Variants in TMEM132B observed in about 807,000 individuals in gnomAD.
TMEM132B encodes transmembrane protein 132B.
TMEM132B carries 18 observed loss-of-function variants against 90.8 expected under a neutral mutation model. The ratio of observed to expected loss-of-function variants is 0.20; its 90% CI spans 0.14 to 0.29. TMEM132B has a LOEUF of 0.29. TMEM132B is among the 10% of genes least tolerant of loss of function. The pLI, the probability that TMEM132B is intolerant of heterozygous loss-of-function variation, is 1.00. For synonymous variants in TMEM132B, 504 were observed against 523.3 expected, an observed-to-expected ratio of 0.96 and a Z score of 0.50; for missense variants, 1,096 against 1,326.8, an observed-to-expected ratio of 0.83 and a Z score of 2.70.
intron 1 of TMEM132B, among the ~76,000 whole-genome samples, chr12:125,319,111 G>A (rs956625392): frequency 1.3e-5 from 2 of 152,216 alleles, no homozygotes; most frequent in African/African-American, 4.8e-5. Context: ...CCTTGGATAA[G>A]AGTTGTGTCC....
chr12:125,363,133 A>G (rs1216196632), intron 2 of TMEM132B, among the ~76,000 whole-genome samples: 1 of 152,220 alleles, frequency 6.6e-6, no homozygotes, highest in Non-Finnish European at 1.5e-5. Flanking sequence ...GCCTGGAGCC[A>G]GTTTGCTGGC....
At chr12:125,533,698 C>T (rs574296082) in intron 4 of TMEM132B, among the ~76,000 whole-genome samples, 2 of 152,236 alleles carry the variant, frequency 1.3e-5, no homozygotes, top group South Asian at 4.1e-4. Context: ...CTCCTGGAGC[C>T]CCTGCCCGGC....
chr12:125,355,909 A>C (rs192373569), intron 2 of TMEM132B, among the ~76,000 whole-genome samples: 191 of 152,302 alleles, frequency 1.3e-3, no homozygotes, highest in African/African-American at 4.5e-3. Flanking sequence ...TCTAATACCA[A>C]GATAGATTCT....
intron 3 of TMEM132B, among the ~76,000 whole-genome samples, chr12:125,500,638 G>A (rs113571339): frequency 0.023 from 3,512 of 152,260 alleles, 76 homozygotes; most frequent in African/African-American, 0.052. Flanking sequence ...GAAATGGAAG[G>A]GGAAGAATTT....
At chr12:125,384,305 A>T (rs888330131) in intron 2 of TMEM132B, among the ~76,000 whole-genome samples, 2 of 152,158 alleles carry the variant, frequency 1.3e-5, no homozygotes, top group African/African-American at 4.8e-5. Flanking sequence ...ATACCACCTA[A>T]AGTTTTCTCA....
chr12:125,276,077 T>C (rs1179451848), intron 1 of TMEM132B, among the ~76,000 whole-genome samples: 2 of 152,192 alleles, frequency 1.3e-5, no homozygotes, highest in Admixed American at 6.5e-5. Context: ...TATCCATGGG[T>C]GTTTGACTCT....
At chr12:125,191,525 GC>G (rs1565971856) in intron 1 of TMEM132B, among the ~76,000 whole-genome samples, 1 of 152,180 alleles carries the variant, frequency 6.6e-6, no homozygotes, top group African/African-American at 2.4e-5. Context: ...GAATGGTGTG[GC>G]CCGGCCTCTG....
Position 125,196,435 on chromosome 12 carries a change from C to T in TMEM132B, c.67+9569C>T, listed in dbSNP as rs141842930. On this transcript the variant is annotated intron_variant, in intron 1 of 8. Transcript: ENST00000682704. ...TTTTTACATCATTAATGGCTGGGCACGGCGGCTCATGCCTGTAATCCCAGC... is the reference window on the plus strand; with the variant it reads ...TTTTTACATCATTAATGGCTGGGCATGGCGGCTCATGCCTGTAATCCCAGC... Among the ~76,000 whole-genome samples the T allele has an allele frequency of 7.6e-3, 1,157 of 152,284 alleles. 20 individuals are homozygous for T. Among genetic ancestry groups the T allele is most frequent in the African/African-American group, 0.026 (1,069 of 41,564 alleles).
At chr12:125,605,599 CTCT>C (rs1885675003) in intron 5 of TMEM132B, among the ~76,000 whole-genome samples, 1 of 152,134 alleles carries the variant, frequency 6.6e-6, no homozygotes, top group African/African-American at 2.4e-5. Context: ...AAAATCTCTC[CTCT>C]TAATTTTCAG....
intron 4 of TMEM132B, among the ~76,000 whole-genome samples, chr12:125,546,020 A>T (rs148340017): frequency 4.1e-4 from 62 of 152,306 alleles, no homozygotes; most frequent in African/African-American, 1.4e-3. Flanking sequence ...TCTTAAGTAT[A>T]TCATTCAGGG....
At chr12:125,275,070 T>A (rs1163746033) in intron 1 of TMEM132B, among the ~76,000 whole-genome samples, 1 of 152,194 alleles carries the variant, frequency 6.6e-6, no homozygotes, top group East Asian at 1.9e-4. Context: ...ACTTCAGAAT[T>A]ATCTTTTGTC....
chr12:125,306,677 T>C (rs1182922504), intron 1 of TMEM132B, among the ~76,000 whole-genome samples: 2 of 152,250 alleles, frequency 1.3e-5, no homozygotes, highest in African/African-American at 2.4e-5. Flanking sequence ...CCATTATTGT[T>C]GCTTGCCTGG....
At chr12:125,537,370 C>G (rs758718003) in intron 4 of TMEM132B, among the ~76,000 whole-genome samples, 1 of 152,334 alleles carries the variant, frequency 6.6e-6, no homozygotes, top group South Asian at 2.1e-4. Context: ...CAAATGCTTT[C>G]GAAGACTCCA....
chr12:125,290,495 C>T (rs961258613), intron 1 of TMEM132B, among the ~76,000 whole-genome samples: 1 of 152,158 alleles, frequency 6.6e-6, no homozygotes, highest in Non-Finnish European at 1.5e-5. Context: ...GTTTGCTATC[C>T]ATATATGTAA....
chr12:125,328,786 C>G lies in TMEM132B; in HGVS notation c.68-20666C>G, dbSNP rs548381807. On this transcript the variant is annotated intron_variant, in intron 1 of 8. Coordinates refer to ENST00000682704, the MANE Select transcript of TMEM132B (RefSeq NM_001366854.1). The stretch of plus-strand genomic sequence containing the variant: ...CAATGAACTACAGGTCCTGTTTTCT[C>G]TGGCTCCCTCAAGACCGCACTGGGG... 5.4e-4 allele frequency among the ~76,000 whole-genome samples: 83 copies of G among 152,302 alleles called. 1 individual carries two copies. Among genetic ancestry groups the G allele is most frequent in the African/African-American group, 1.9e-3 (81 of 41,558 alleles).
chr12:125,282,203 C>T (rs1055015732), intron 1 of TMEM132B, among the ~76,000 whole-genome samples: 40 of 152,114 alleles, frequency 2.6e-4, no homozygotes, highest in Non-Finnish European at 4.6e-4. Context: ...TCTTACTACA[C>T]CCTTCTGTAA....
At chr12:125,245,964 G>C (rs967801650) in intron 1 of TMEM132B, among the ~76,000 whole-genome samples, 3 of 152,196 alleles carry the variant, frequency 2.0e-5, no homozygotes, top group Non-Finnish European at 2.9e-5. Flanking sequence ...CGACATCTCT[G>C]CAGCCAGATG....
chr12:125,275,539 A>T (rs1222883655), intron 1 of TMEM132B, among the ~76,000 whole-genome samples: 1 of 152,106 alleles, frequency 6.6e-6, no homozygotes, highest in Admixed American at 6.6e-5. Flanking sequence ...CAGATTATTA[A>T]GGAGAGTTTC....
At chr12:125,367,872 T>C (rs1419967495) in intron 2 of TMEM132B, among the ~76,000 whole-genome samples, 1 of 152,188 alleles carries the variant, frequency 6.6e-6, no homozygotes, top group African/African-American at 2.4e-5. Context: ...GTGGTTGGAA[T>C]TAGGTCTGCT....
Sources: allele counts gnomAD v4.1 joint callset (sites outside exome capture counted in the v4.1 genomes callset), GRCh38; gene constraint gnomAD v4.1.1; transcripts MANE v1.5; gene names NCBI Gene and HGNC (gene_info 2026-07-23, HGNC 2026-07-21).